The following HEXB variants were observed in gnomAD, a reference collection of about 807,000 sequenced individuals.
HEXB encodes hexosaminidase subunit beta, also known as beta-hexosaminidase subunit beta.
In HEXB, 51 loss-of-function variants were observed where a neutral mutation model predicts 71.2. The ratio of observed to expected loss-of-function variants is 0.72; its 90% CI spans 0.57 to 0.90. The LOEUF is 0.90. HEXB is among the 40% of genes least tolerant of loss of function. The pLI, the probability that HEXB is intolerant of heterozygous loss-of-function variation, is 0.00. For synonymous variants in HEXB, 266 were observed against 249.3 expected (o/e 1.07, Z -0.63); for missense variants, 617 against 677.0 (o/e 0.91, Z 0.98).
At chr5:74,689,496 T>C in intron 2 of HEXB, 23 bp downstream of exon 2, 1 of 1,606,264 alleles carries the variant, frequency 6.2e-7, no homozygotes, top group Non-Finnish European at 8.5e-7. Flanking sequence ...GCAATGTGAG[T>C]GTATTATATC....
intron 6 of HEXB, among the ~76,000 whole-genome samples, chr5:74,709,654 C>T (rs6889101): frequency 0.061 from 9,299 of 152,108 alleles, 622 homozygotes; most frequent in African/African-American, 0.16. Context: ...GAGAATACTA[C>T]AAACACCTCT....
chr5:74,668,593 G>T (rs1264140944), intron 1 of HEXB, among the ~76,000 whole-genome samples: 2 of 152,240 alleles, frequency 1.3e-5, no homozygotes, highest in East Asian at 1.9e-4. Context: ...TTGTTATAAG[G>T]GTTTGAGATA....
chr5:74,661,503 T>TTC (rs59304966), intron 1 of HEXB, among the ~76,000 whole-genome samples: 1 of 109,978 alleles, frequency 9.1e-6, no homozygotes, highest in African/African-American at 2.9e-5. Context: ...TGAATTCATT[T>TTC]TCTCTCTCTC....
chr5:74,718,632 A>AT (rs1749733542), intron 10 of HEXB, among the ~76,000 whole-genome samples, 165 bp from the exon 11 acceptor site: 1 of 152,244 alleles, frequency 6.6e-6, no homozygotes, highest in African/African-American at 2.4e-5. Context: ...AGTCCCTAAA[A>AT]TGAGTATCAC....
At chr5:74,682,208 A>G (rs1748750529), upstream of HEXB, among the ~76,000 whole-genome samples, 1 of 152,216 alleles carries the variant, frequency 6.6e-6, no homozygotes, top group African/African-American at 2.4e-5. Context: ...AATACAAAAA[A>G]TTAGCCGGGC....
intron 7 of HEXB, among the ~76,000 whole-genome samples, chr5:74,714,845 G>C (rs1749634482): frequency 6.6e-6 from 1 of 152,176 alleles, no homozygotes; most frequent in African/African-American, 2.4e-5. Flanking sequence ...CCTTTGGTGA[G>C]GAATGTGAAC....
At chr5:74,665,374 G>A (rs1346621857) in intron 1 of HEXB, among the ~76,000 whole-genome samples, 3 of 151,904 alleles carry the variant, frequency 2.0e-5, no homozygotes, top group Non-Finnish European at 4.4e-5. Flanking sequence ...AAATACATAT[G>A]GATATCTATA....
rs963995504 is a variant in HEXB at position 74,652,489 on chromosome 5, A to AT, written c.-377+11937dup. Among the ~76,000 whole-genome samples the AT allele has an allele frequency of 2.6e-5, 4 of 152,190 alleles. No individual in the cohort carries two copies. The highest frequency in any genetic ancestry group is 7.2e-5 in the African/African-American group (3 of 41,440). On this transcript the variant is annotated intron_variant, in intron 1 of 13. Coordinates refer to the HEXB transcript ENST00000511181. This position sits in a 1 kb window ranked among gnomAD's most constrained non-coding sequence, Gnocchi z 5.4. ...CCCATGTGTTGGGATGTTTTGCAAA[A>AT]TTTTTTACATTCAAAAGAGTCCTCA...
intron 8 of HEXB, 106 bp from the exon 9 acceptor site, chr5:74,716,481 T>C (rs939657134): frequency 1.2e-5 from 8 of 668,414 alleles, no homozygotes; most frequent in Middle Eastern, 4.1e-4. Context: ...CTACAAACTT[T>C]AATAGTTTTA....
chr5:74,650,366 C>A (rs1748079462), intron 1 of HEXB, among the ~76,000 whole-genome samples: 2 of 152,164 alleles, frequency 1.3e-5, no homozygotes, highest in South Asian at 2.1e-4. Flanking sequence ...TTGGAGCATT[C>A]TTTTAAAAGC....
rs775533602 is a variant in HEXB at position 74,652,875 on chromosome 5, C to A, written c.-377+12317C>A. On this transcript the variant is annotated intron_variant, in intron 1 of 13. Transcript: ENST00000511181. This position sits in a 1 kb window ranked among gnomAD's most constrained non-coding sequence, Gnocchi z 5.4. ...AAGGGGGAAAAGCCTCCCTCTTGGG[C>A]GACTACACACATCTACGCTAGTGAC... Among the ~76,000 whole-genome samples, 1 of 152,106 alleles carries A rather than the reference C, an allele frequency of 6.6e-6. No homozygotes were observed. Among genetic ancestry groups the A allele is most frequent in the Admixed American group, 6.6e-5 (1 of 15,258 alleles).
intron 6 of HEXB, among the ~76,000 whole-genome samples, chr5:74,709,526 C>A (rs1391220379): frequency 6.6e-6 from 1 of 152,000 alleles, no homozygotes; most frequent in Non-Finnish European, 1.5e-5. Context: ...AAAGGATCAA[C>A]AAAATTGATA....
chr5:74,685,311 GCTGTTGGCGACA>G lies in HEXB; in HGVS notation c.55_66del (p.Thr21_Ala24del). On this transcript the variant is annotated inframe_deletion, in exon 1 of 14. Transcript: ENST00000261416. Reference sequence around the variant, plus strand: ...CCCGGCCGCCCATGCTGCTGGCGCTGCTGTTGGCGACACTGCTGGCGGCGATGTTGGCGCTGC... The same window carrying G: ...CCCGGCCGCCCATGCTGCTGGCGCTGCTGCTGGCGGCGATGTTGGCGCTGC... The G allele has an allele frequency of 6.4e-7, 1 of 1,567,244 alleles. No individual in the cohort carries two copies. The highest frequency in any genetic ancestry group is 8.6e-7 in the Non-Finnish European group (1 of 1,159,416).
chr5:74,650,765 C>CAAAA (rs773616448), intron 1 of HEXB, among the ~76,000 whole-genome samples: 1,503 of 145,538 alleles, frequency 0.01, 26 homozygotes, highest in African/African-American at 0.035. Flanking sequence ...ACTAAAAATA[C>CAAAA]AAAAAAAAAA....
chr5:74,677,490 CTTT>C (rs566302720), intron 1 of HEXB, among the ~76,000 whole-genome samples: 2 of 77,276 alleles, frequency 2.6e-5, no homozygotes, highest in African/African-American at 4.3e-5. Flanking sequence ...TCTTCTTCTT[CTTT>C]TTTTTTTTTT....
chr5:74,685,159 G>A, upstream of HEXB: 3 of 1,285,904 alleles, frequency 2.3e-6, no homozygotes, highest in Non-Finnish European at 3.1e-6. Context: ...CATCTGACTC[G>A]GTGACTCACC....
rs200209801 is a variant in HEXB at position 74,685,511 on chromosome 5, A to G, written c.251A>G (p.Asn84Ser). The change falls in exon 1 of 14, where the codon AAT becomes AGT. Residue 84 changes from asparagine to serine, a missense_variant. Coordinates refer to ENST00000261416, the MANE Select transcript of HEXB (RefSeq NM_000521.4). ...AACTTCTACATCAGCCACAGCCCCAATTCCACGGCGGGCCCCTCCTGCACC... is the reference window on the plus strand; with the variant it reads ...AACTTCTACATCAGCCACAGCCCCAGTTCCACGGCGGGCCCCTCCTGCACC... ...PENFYISHSP[N>S]STAGPSCTLL... is the part of the protein sequence containing the mutation. 8.6e-5 allele frequency: 138 copies of G among 1,605,268 alleles called. No homozygotes were observed. Among genetic ancestry groups the G allele is most frequent in the Admixed American group, 1.9e-4 (11 of 58,862 alleles).
At chr5:74,672,982 T>C (rs1748566546) in intron 1 of HEXB, among the ~76,000 whole-genome samples, 1 of 150,882 alleles carries the variant, frequency 6.6e-6, no homozygotes, top group African/African-American at 2.4e-5. Context: ...GTCACCAAAA[T>C]GTTTCCAGAT....
At chr5:74,685,114 G>A (rs940827649), upstream of HEXB, 1 of 840,150 alleles carries the variant, frequency 1.2e-6, no homozygotes, top group Non-Finnish European at 1.7e-6. Flanking sequence ...CGCTCCCGGG[G>A]CCTGGAGGCG....
Sources: allele counts gnomAD v4.1 joint callset (sites outside exome capture counted in the v4.1 genomes callset), GRCh38; gene constraint gnomAD v4.1.1; non-coding constraint Gnocchi (gnomAD v3.1); transcripts MANE v1.5; gene names NCBI Gene and HGNC (gene_info 2026-07-23, HGNC 2026-07-21).